The following EDA variants were observed in gnomAD, a reference collection of about 807,000 sequenced individuals.
EDA encodes ectodysplasin-A.
Under a neutral mutation model 23.6 loss-of-function variants are expected in EDA, and 2 were observed. The observed-to-expected ratio is 0.08, with a 90% confidence interval of 0.03 to 0.27. EDA has a LOEUF of 0.27. Among genes scored for constraint, EDA ranks in the 10% least tolerant of loss-of-function variants. The pLI is 1.00. For missense variants in EDA, 229 were observed against 324.2 expected, an observed-to-expected ratio of 0.71 and a Z score of 2.26; for synonymous variants, 131 against 132.0, an observed-to-expected ratio of 0.99 and a Z score of 0.05.
chrX:69,834,675 A>C (rs1169581376), intron 1 of EDA, among the ~76,000 whole-genome samples: 5 of 110,804 alleles, frequency 4.5e-5, no homozygotes, highest in Non-Finnish European at 7.5e-5. Flanking sequence ...CCAATTTGCC[A>C]GTCTGTGTCT....
At chrX:70,029,662 C>A in intron 5 of EDA, 124 bp downstream of exon 5, 3 of 742,297 alleles carry the variant, frequency 4.0e-6, no homozygotes, top group Admixed American at 2.6e-5. Flanking sequence ...GAGATTCTGA[C>A]GGTTTTCACT....
rs4145422 is a variant in EDA, at chrX:69,863,975, A to G, written c.397-93052A>G. On this transcript the variant is annotated intron_variant, in intron 1 of 7. Coordinates refer to ENST00000374552, the MANE Select transcript of EDA (RefSeq NM_001399.5). ...GAATTAACCTGGCTTCTTTGTATTC[A>G]TTATTTTAAAGAATGTATTCATTTG... Among the ~76,000 whole-genome samples the G allele has an allele frequency of 8.7e-3, 964 of 110,644 alleles. 31 individuals are homozygous for G. The East Asian group carries it at 0.14, about 16-fold the overall frequency.
At chrX:70,019,745 G>T (rs1164411544) in intron 2 of EDA, among the ~76,000 whole-genome samples, 1 of 111,589 alleles carries the variant, frequency 9.0e-6, no homozygotes, top group African/African-American at 3.3e-5. Flanking sequence ...GCCTTCTTGC[G>T]AGTGGAGAGT....
chrX:69,697,003 C>T (rs1055361949), intron 1 of EDA, among the ~76,000 whole-genome samples: 2 of 111,712 alleles, frequency 1.8e-5, no homozygotes, highest in Non-Finnish European at 3.8e-5. Flanking sequence ...TAGGTGAGTA[C>T]AATATAATGA....
chrX:69,686,740 T>G (rs1934555318), intron 1 of EDA, among the ~76,000 whole-genome samples: 1 of 111,874 alleles, frequency 8.9e-6, no homozygotes, highest in Admixed American at 9.5e-5. Context: ...TTTTCAGGAT[T>G]CATCCATATG....
intron 2 of EDA, among the ~76,000 whole-genome samples, chrX:69,966,313 C>T (rs181383929): frequency 4.6e-3 from 516 of 111,753 alleles, no homozygotes; most frequent in South Asian, 0.014. Context: ...GGTGCAGTGG[C>T]TCACGCCTGT....
At chrX:69,763,110 A>G (rs772714695) in intron 1 of EDA, among the ~76,000 whole-genome samples, 361 of 112,339 alleles carry the variant, frequency 3.2e-3, no homozygotes, top group Middle Eastern at 9.1e-3. Context: ...AAGATTTTAC[A>G]AAGATAATTG....
At chrX:69,732,444 G>A (rs1340791009) in intron 1 of EDA, among the ~76,000 whole-genome samples, 1 of 112,105 alleles carries the variant, frequency 8.9e-6, no homozygotes, top group African/African-American at 3.2e-5. Flanking sequence ...CCTTTTTTAT[G>A]GCTGCATAGT....
At chrX:69,740,990 A>G (rs761538491) in intron 1 of EDA, among the ~76,000 whole-genome samples, 1 of 108,463 alleles carries the variant, frequency 9.2e-6, no homozygotes, top group East Asian at 2.9e-4. Flanking sequence ...TTCCATATAT[A>G]TTTTTTTCTA....
intron 1 of EDA, among the ~76,000 whole-genome samples, chrX:69,687,955 A>G (rs1602296900): frequency 8.9e-6 from 1 of 111,803 alleles, no homozygotes; most frequent in Non-Finnish European, 1.9e-5. Flanking sequence ...TGAGCAGTAG[A>G]AGGAGTTGAG....
intron 1 of EDA, chrX:69,860,945 C>T (rs1206877292): frequency 1.9e-6 from 1 of 519,178 alleles, no homozygotes; most frequent in Admixed American, 2.7e-5. Flanking sequence ...GTCTCAGTCC[C>T]TCAGTGGGAG....
At chrX:69,973,883 A>G (rs1258700234) in intron 2 of EDA, among the ~76,000 whole-genome samples, 1 of 111,520 alleles carries the variant, frequency 9.0e-6, no homozygotes, top group East Asian at 2.8e-4. Flanking sequence ...AGAAAAAACT[A>G]TGTTTGTATT....
chrX:69,848,297 G>A (rs925553956), intron 1 of EDA, among the ~76,000 whole-genome samples: 2 of 111,168 alleles, frequency 1.8e-5, no homozygotes, highest in African/African-American at 6.5e-5. Context: ...CTATAGTACT[G>A]ACAAGCCCCT....
At chrX:69,813,451 T>C (rs2016008745) in intron 1 of EDA, among the ~76,000 whole-genome samples, 1 of 111,662 alleles carries the variant, frequency 9.0e-6, no homozygotes, top group Non-Finnish European at 1.9e-5. Context: ...AGTTAGCCAC[T>C]CCTTCATTTG....
chrX:69,788,306 T>A (rs1247653804), intron 1 of EDA, among the ~76,000 whole-genome samples: 2 of 112,853 alleles, frequency 1.8e-5, no homozygotes, highest in Admixed American at 9.3e-5. Flanking sequence ...AAAGTCCTTC[T>A]CCGTCCAGCT....
At chrX:69,752,761 A>T (rs776813019) in intron 1 of EDA, among the ~76,000 whole-genome samples, 1 of 111,885 alleles carries the variant, frequency 8.9e-6, no homozygotes, top group Non-Finnish European at 1.9e-5. Context: ...AGAACCTGTC[A>T]TTGGTCTATT....
chrX:69,799,779 G>T (rs2147485119), intron 1 of EDA, among the ~76,000 whole-genome samples: 1 of 98,511 alleles, frequency 1.0e-5, no homozygotes, highest in South Asian at 5.0e-4. Flanking sequence ...GTGTAAATTA[G>T]CACAGCCATT....
At chrX:69,841,128 G>A (rs2016886708) in intron 1 of EDA, among the ~76,000 whole-genome samples, 2 of 112,040 alleles carry the variant, frequency 1.8e-5, no homozygotes, top group African/African-American at 6.5e-5. Flanking sequence ...TCAGCTGTTT[G>A]TTCCATGAAT....
At chrX:69,652,594 T>G (rs2147244072) in intron 1 of EDA, among the ~76,000 whole-genome samples, 1 of 111,828 alleles carries the variant, frequency 8.9e-6, no homozygotes, top group East Asian at 2.8e-4. Context: ...AGAAAGTAGC[T>G]TTACTGTTAA....
Sources: gnomAD v4.1 joint callset for allele counts (sites outside exome capture counted in the v4.1 genomes callset) on GRCh38, gnomAD v4.1.1 for gene constraint, MANE v1.5 for transcripts, NCBI Gene and HGNC (gene_info 2026-07-23, HGNC 2026-07-21) for gene names.